Variants in DAB1 observed in about 807,000 individuals in gnomAD.
DAB1 encodes the protein disabled homolog 1.
In DAB1, 15 loss-of-function variants were observed where a neutral mutation model predicts 64.6. That is an observed-to-expected ratio of 0.23 (90% CI 0.16 to 0.36). The LOEUF (loss-of-function observed/expected upper bound fraction) is 0.36. Ranked by LOEUF, DAB1 falls within the 10% of genes least tolerant of loss-of-function variation. DAB1 has a pLI of 1.00. For missense variants in DAB1, 596 were observed against 706.7 expected (o/e 0.84, Z 1.78); for synonymous variants, 235 against 251.9 (o/e 0.93, Z 0.64).
intron 2 of DAB1, among the ~76,000 whole-genome samples, chr1:57,266,785 A>G (rs1307087082): frequency 1.3e-5 from 2 of 152,192 alleles, no homozygotes; most frequent in African/African-American, 4.8e-5. Flanking sequence ...TACTTAGTAA[A>G]CTATAATAAA....
intron 6 of DAB1, among the ~76,000 whole-genome samples, chr1:57,784,927 T>C (rs1650270092): frequency 6.6e-6 from 1 of 152,186 alleles, no homozygotes; most frequent in East Asian, 1.9e-4. Flanking sequence ...TCTAGGACTT[T>C]CATAGCTAGA....
chr1:57,825,029 T>G (rs1214945694), downstream of DAB1, among the ~76,000 whole-genome samples: 1 of 152,228 alleles, frequency 6.6e-6, no homozygotes, highest in East Asian at 1.9e-4. Context: ...ATGTAGTGAT[T>G]TAACGTCATG....
At chr1:57,183,449 G>A (rs544819106) in intron 2 of DAB1, among the ~76,000 whole-genome samples, 1 of 152,286 alleles carries the variant, frequency 6.6e-6, no homozygotes, top group Admixed American at 6.5e-5. Flanking sequence ...CACGATTATG[G>A]GTTGAGAAAA....
At chr1:57,980,930 C>T (rs1319578254) in intron 5 of DAB1, among the ~76,000 whole-genome samples, 3 of 150,636 alleles carry the variant, frequency 2.0e-5, no homozygotes, top group Non-Finnish European at 2.9e-5. Context: ...CACACACACA[C>T]ATAGATATAG....
At chr1:57,174,123 G>C (rs1243312335) in intron 2 of DAB1, among the ~76,000 whole-genome samples, 1 of 152,148 alleles carries the variant, frequency 6.6e-6, no homozygotes, top group Non-Finnish European at 1.5e-5. Flanking sequence ...TAGAGTGGGA[G>C]CTGGAGAAAA....
intron 7 of DAB1, among the ~76,000 whole-genome samples, chr1:57,456,925 A>G (rs750644040): frequency 1.6e-4 from 24 of 152,148 alleles, no homozygotes; most frequent in Non-Finnish European, 3.1e-4. Context: ...CTAACCTTCC[A>G]TGTCAGAATT....
intron 5 of DAB1, among the ~76,000 whole-genome samples, chr1:58,049,833 C>G (rs1217640901): frequency 6.6e-6 from 1 of 151,950 alleles, no homozygotes; most frequent in Non-Finnish European, 1.5e-5. Context: ...CACACACACA[C>G]ACACACAGCA....
At chr1:57,734,780 T>C (rs764633985) in intron 6 of DAB1, among the ~76,000 whole-genome samples, 4 of 152,176 alleles carry the variant, frequency 2.6e-5, no homozygotes, top group African/African-American at 4.8e-5. Context: ...AGTCAAATTA[T>C]TGCAAATGTC....
intron 5 of DAB1, among the ~76,000 whole-genome samples, chr1:58,091,548 T>G (rs1650656208): frequency 6.6e-6 from 1 of 152,182 alleles, no homozygotes; most frequent in African/African-American, 2.4e-5. Flanking sequence ...CTTAGAAAAG[T>G]TAAGCAACAT....
At chr1:57,287,328 G>T (rs1452259858) in intron 2 of DAB1, among the ~76,000 whole-genome samples, 2 of 152,156 alleles carry the variant, frequency 1.3e-5, no homozygotes, top group Non-Finnish European at 2.9e-5. Context: ...ACCCACCTTA[G>T]CCTCCCAAAG....
intron 6 of DAB1, among the ~76,000 whole-genome samples, chr1:57,740,077 G>A (rs1647910510): frequency 7.0e-6 from 1 of 142,576 alleles, no homozygotes; most frequent in African/African-American, 2.5e-5. Context: ...CGCCAGGCGT[G>A]GTCGCATGCA....
At chr1:58,404,521 C>T (rs1205976264) in intron 3 of DAB1, among the ~76,000 whole-genome samples, 2 of 152,188 alleles carry the variant, frequency 1.3e-5, no homozygotes, top group Non-Finnish European at 2.9e-5. Flanking sequence ...CCCTTGTCAG[C>T]CTTCAGGGCT....
At chr1:57,662,891 T>A (rs1324386542) in intron 6 of DAB1, among the ~76,000 whole-genome samples, 2 of 152,212 alleles carry the variant, frequency 1.3e-5, no homozygotes, top group Non-Finnish European at 1.5e-5. Context: ...CTGTTTTTCC[T>A]CTACCAATAT....
chr1:57,445,646 C>G (rs571184614), intron 7 of DAB1, among the ~76,000 whole-genome samples: 1 of 152,050 alleles, frequency 6.6e-6, no homozygotes, highest in African/African-American at 2.4e-5. Context: ...GAGAGAATAT[C>G]GACATTAGAT....
rs139842040 is a variant in DAB1 at position 58,016,074 on chromosome 1, C to T, written n.388-131912G>A. 3.3e-3 allele frequency among the ~76,000 whole-genome samples: 497 copies of T among 152,152 alleles called. 3 individuals carry two copies. Among genetic ancestry groups the T allele is most frequent in the African/African-American group, 0.011 (469 of 41,494 alleles). On this transcript the variant is annotated intron_variant and non_coding_transcript_variant, in intron 5 of 20. Transcript: ENST00000485760. ...AATGGAAAGAGCTGGGTCCCCATCA[C>T]GTTTCTAAATCAAATAACTAACCTG...
chr1:58,067,010 GC>G (rs2100562178), intron 5 of DAB1, among the ~76,000 whole-genome samples: 2 of 152,254 alleles, frequency 1.3e-5, no homozygotes, highest in South Asian at 4.2e-4. Context: ...CTTTGCTCAT[GC>G]TGTTCTCTTC....
At chr1:58,492,388 A>C (rs1645712335) in intron 3 of DAB1, among the ~76,000 whole-genome samples, 1 of 151,324 alleles carries the variant, frequency 6.6e-6, no homozygotes, top group African/African-American at 2.4e-5. Flanking sequence ...TTCAAAAGCT[A>C]GCAGAAGGCA....
chr1:58,058,312 C>T (rs1648272008), intron 5 of DAB1, among the ~76,000 whole-genome samples: 1 of 152,160 alleles, frequency 6.6e-6, no homozygotes, highest in South Asian at 2.1e-4. Flanking sequence ...ATGAAAAGCA[C>T]GGGATGAGAC....
At chr1:58,065,641 T>A (rs1159603229) in intron 5 of DAB1, among the ~76,000 whole-genome samples, 7 of 151,986 alleles carry the variant, frequency 4.6e-5, no homozygotes, top group Admixed American at 1.3e-4. Context: ...GTGGCCATGG[T>A]CAAGTTGGCG....
Sources: gnomAD v4.1 joint callset for allele counts (sites outside exome capture counted in the v4.1 genomes callset) on GRCh38, gnomAD v4.1.1 for gene constraint, MANE v1.5 for transcripts, NCBI Gene and HGNC (gene_info 2026-07-23, HGNC 2026-07-21) for gene names.